Variants in TXNRD3 observed in about 807,000 individuals in gnomAD.
TXNRD3 encodes TXNRD3 neighbor gene protein.
TXNRD3 carries 68 observed loss-of-function variants against 78.2 expected under a neutral mutation model. The observed-to-expected ratio is 0.87, with a 90% CI of 0.72 to 1.06. The LOEUF is 1.06. Ranked by LOEUF, TXNRD3 falls within the 50% of genes least tolerant of loss-of-function variation. TXNRD3 has a pLI of 0.00. For synonymous variants in TXNRD3, 296 were observed against 300.1 expected (o/e 0.99, Z 0.14); for missense variants, 751 against 809.5 (o/e 0.93, Z 0.88).
chr3:126,608,471 C>A, intron 15 of TXNRD3, 28 bp downstream of exon 15: 1 of 1,508,736 alleles, frequency 6.6e-7, no homozygotes, highest in Non-Finnish European at 8.8e-7. Flanking sequence ...TCAACTGAAG[C>A]CAATTTTTAA....
rs1933229618 is a variant in TXNRD3 at position 126,646,203 on chromosome 3, G to A, written c.322C>T (p.Gln108Ter). 6.5e-7 allele frequency: 1 copy of A among 1,532,912 alleles called. No homozygotes were observed. The highest frequency in any genetic ancestry group is 1.2e-5 in the South Asian group (1 of 83,056). The allele number at this position is 1,532,912 out of a possible 1,614,324, so 95.0% of individuals were successfully genotyped here. The change falls in exon 3 of 16, where the codon CAA (glutamine) becomes TAA (stop). Residue 108 changes from glutamine to a stop codon, truncating the protein, a stop_gained. Transcript: ENST00000524230. LOFTEE classifies it high-confidence loss of function. ...TTAGTGATTTCTGACAGCACTTCTTGAACCCTGGCCCCATCATCTAAAGAA... is the reference window on the plus strand; with the variant it reads ...TTAGTGATTTCTGACAGCACTTCTTAAACCCTGGCCCCATCATCTAAAGAA...
chr3:126,608,367 A>G, intron 15 of TXNRD3, 132 bp downstream of exon 15: 2 of 1,092,596 alleles, frequency 1.8e-6, no homozygotes, highest in South Asian at 2.1e-5. Flanking sequence ...TCTGAAAAAA[A>G]TAAAATGAAA....
intron 6 of TXNRD3, among the ~76,000 whole-genome samples, chr3:126,639,901 G>T (rs1352771023): frequency 2.0e-5 from 3 of 151,988 alleles, no homozygotes; most frequent in Non-Finnish European, 4.4e-5. Context: ...ACCAGAAGAA[G>T]GATTCTTGAA....
chr3:126,648,829 G>C (rs930539947), intron 1 of TXNRD3, among the ~76,000 whole-genome samples: 3 of 152,152 alleles, frequency 2.0e-5, no homozygotes, highest in Non-Finnish European at 2.9e-5. Context: ...AGCAACAAAA[G>C]AAACAACAGA....
At chr3:126,622,840 T>C (rs1938489815) in intron 10 of TXNRD3, among the ~76,000 whole-genome samples, 1 of 152,108 alleles carries the variant, frequency 6.6e-6, no homozygotes. Flanking sequence ...ACAGAGGTAA[T>C]TAAGGTAAAA....
At chr3:126,643,462 G>T (rs9840989) in intron 5 of TXNRD3, among the ~76,000 whole-genome samples, 5,431 of 152,164 alleles carry the variant, frequency 0.036, 127 homozygotes, top group African/African-American at 0.059. Flanking sequence ...CAGCTATTGT[G>T]CAGCTAATAT....
At position 126,621,731 on chromosome 3, in the gene TXNRD3, A is replaced by G; in HGVS notation, c.1524+11T>C. 2 of 1,490,332 alleles carry G rather than the reference A, an allele frequency of 1.3e-6. No individual in the cohort carries two copies. The highest frequency in any genetic ancestry group is 1.8e-6 in the Non-Finnish European group (2 of 1,130,630). The allele number at this position is 1,490,332 out of a possible 1,614,324, so 92.3% of individuals were successfully genotyped here. ...ATCAGGACATTATCTCAAAAACAGT[A>G]AGAAACTTACCTTTTCTAAAGAGGC... On this transcript the variant is annotated intron_variant, in intron 12 of 15. Transcript: ENST00000524230.
chr3:126,608,043 A>G (rs1938093643), intron 15 of TXNRD3, 70 bp from the exon 16 acceptor site: 2 of 1,145,048 alleles, frequency 1.7e-6, no homozygotes, highest in Non-Finnish European at 2.4e-6. Flanking sequence ...CATTCTGAAT[A>G]TTATATTTAT....
At chr3:126,609,115 G>T (rs1321842688) in intron 14 of TXNRD3, 4 of 437,426 alleles carry the variant, frequency 9.1e-6, no homozygotes, top group Non-Finnish European at 1.9e-5. Flanking sequence ...TGAGAGGTAT[G>T]GGGTGCAGGC....
At chr3:126,614,006 G>A (rs1938255715) in intron 13 of TXNRD3, among the ~76,000 whole-genome samples, 1 of 152,228 alleles carries the variant, frequency 6.6e-6, no homozygotes, top group Non-Finnish European at 1.5e-5. Flanking sequence ...ACAGGATGTG[G>A]TGGGAGAAGA....
rs1938698144 is a variant in TXNRD3 at position 126,630,837 on chromosome 3, GGCCAAAGC to G, written c.1064_1071del (p.Gly355AlafsTer59). 2 of 1,535,696 alleles carry G rather than the reference GGCCAAAGC, an allele frequency of 1.3e-6. No individual in the cohort carries two copies. The highest frequency in any genetic ancestry group is 1.7e-6 in the Non-Finnish European group (2 of 1,146,874). On this transcript the variant is annotated frameshift_variant, in exon 9 of 16. Transcript: ENST00000524230. LOFTEE classifies it high-confidence loss of function. ...GAGCGTACCATAACTGTGACATCTA[GGCCAAAGC>G]CAGCCAGAAACCCTGCACACTCCAG...
In TXNRD3 at chr3:126,621,752, G is replaced by A; in HGVS notation, c.1514C>T (p.Ser505Phe). The change falls in exon 12 of 16, where the codon TCT becomes TTT. Residue 505 changes from serine to phenylalanine, a missense_variant. Physicochemically the swap from Ser to Phe is radical, Grantham distance 155. Transcript: ENST00000524230. The stretch of plus-strand genomic sequence containing the variant: ...CAGTAAGAAACTTACCTTTTCTAAA[G>A]AGGCCCCAAAAAGTCTCTGAGCTAG... 1 of 1,509,504 alleles carries A rather than the reference G, an allele frequency of 6.6e-7. No individual in the cohort carries two copies. The highest frequency in any genetic ancestry group is 2.3e-5 in the Admixed American group (1 of 42,566). The allele number at this position is 1,509,504 out of a possible 1,614,324, so 93.5% of individuals were successfully genotyped here.
rs758116052 is a variant in TXNRD3 at position 126,646,168 on chromosome 3, A to G, written c.357T>C (p.Thr119=). The G allele has an allele frequency of 9.4e-5, 144 of 1,534,462 alleles. No homozygotes were observed. Among genetic ancestry groups the G allele is most frequent in the Non-Finnish European group, 1.2e-4 (140 of 1,146,330 alleles). The change falls in exon 3 of 16, where the codon ACT becomes ACC. Residue 119 remains threonine (T), a synonymous_variant. Transcript: ENST00000524230. ...CTTTATTCACGAAAATATTGGGCACAGTTTTCTGATTAGTGATTTCTGACA... is the reference window on the plus strand; with the variant it reads ...CTTTATTCACGAAAATATTGGGCACGGTTTTCTGATTAGTGATTTCTGACA...
intron 6 of TXNRD3, among the ~76,000 whole-genome samples, chr3:126,637,215 T>C (rs933707542): frequency 6.6e-6 from 1 of 152,230 alleles, no homozygotes; most frequent in Admixed American, 6.5e-5. Flanking sequence ...ATATTTAACA[T>C]TATGACCACT....
At chr3:126,609,512 G>A (rs1938144091) in intron 14 of TXNRD3, among the ~76,000 whole-genome samples, 2 of 152,164 alleles carry the variant, frequency 1.3e-5, no homozygotes, top group African/African-American at 4.8e-5. Context: ...GAAAAGGGGT[G>A]TAAATGAAGG....
intron 11 of TXNRD3, 45 bp downstream of exon 11, chr3:126,622,419 C>A: frequency 7.3e-7 from 1 of 1,370,970 alleles, no homozygotes; most frequent in Non-Finnish European, 9.8e-7. Flanking sequence ...CTGCAGAAAC[C>A]TGTTGCTTTG....
In TXNRD3 at chr3:126,615,395, TC is replaced by T; in HGVS notation, c.1591del (p.Glu531LysfsTer13). The T allele has an allele frequency of 6.6e-7, 1 of 1,519,570 alleles. No individual in the cohort carries two copies. The highest frequency in any genetic ancestry group is 1.2e-5 in the South Asian group (1 of 80,896). 94.1% of individuals were successfully genotyped at this position (1,519,570 alleles called of 1,614,324 possible). On this transcript the variant is annotated frameshift_variant, in exon 13 of 16. Coordinates refer to ENST00000524230, the MANE Select transcript of TXNRD3 (RefSeq NM_052883.3). LOFTEE classifies it high-confidence loss of function. ...TTTATATACTTCAATAGCTTTCTCT[TC>T]AGATAATCCACAGCAACCATACTCC...
chr3:126,609,121 C>T, intron 14 of TXNRD3: 1 of 438,388 alleles, frequency 2.3e-6, no homozygotes, highest in Non-Finnish European at 4.6e-6. Context: ...GTATGGGGTG[C>T]AGGCAATGAG....
At chr3:126,617,682 A>G (rs1186633070) in intron 12 of TXNRD3, among the ~76,000 whole-genome samples, 2 of 152,264 alleles carry the variant, frequency 1.3e-5, no homozygotes, top group Non-Finnish European at 2.9e-5. Flanking sequence ...AAGGATGCCC[A>G]CTGGCACCAG....
Sources: gnomAD v4.1 joint callset for allele counts (sites outside exome capture counted in the v4.1 genomes callset) on GRCh38, gnomAD v4.1.1 for gene constraint, MANE v1.5 for transcripts, NCBI Gene and HGNC (gene_info 2026-07-23, HGNC 2026-07-21) for gene names.